Variants in RAX observed in about 807,000 individuals in gnomAD.
RAX encodes retinal homeobox protein Rx.
A neutral mutation model predicts 17.4 loss-of-function variants in RAX; 11 were observed. The observed-to-expected ratio is 0.63, with a 90% confidence interval of 0.40 to 1.05. The LOEUF is 1.05. RAX is among the 50% of genes least tolerant of loss of function. RAX has a pLI of 0.00. For synonymous variants in RAX, 276 were observed against 254.7 expected (o/e 1.08, Z -0.80); for missense variants, 527 against 501.1 (o/e 1.05, Z -0.49).
Position 59,269,148 on chromosome 18 carries a change from C to T in RAX, c.897G>A (p.Pro299=), listed in dbSNP as rs1413283572. The change falls in exon 3 of 3, where the codon CCG becomes CCA. Residue 299 remains proline, a synonymous_variant. Transcript: ENST00000334889. The part of the protein sequence containing the change: ...LGPGLQPLAP[P]PPSYPCGPGF... ...CGGGCCCGCACGGGTAGGAGGGCGG[C>T]GGCGGCGCGAGAGGTTGCAGGCCGG... 1.9e-6 allele frequency: 3 copies of T among 1,587,148 alleles called. No homozygotes were observed. Among genetic ancestry groups the T allele is most frequent in the Non-Finnish European group, 2.6e-6 (3 of 1,164,520 alleles).
intron 2 of RAX, among the ~76,000 whole-genome samples, chr18:59,271,439 G>T (rs2070337603): frequency 6.6e-6 from 1 of 152,198 alleles, no homozygotes; most frequent in East Asian, 1.9e-4. Flanking sequence ...AGTCACATTA[G>T]GGAATTATAT....
At position 59,269,385 on chromosome 18, in the gene RAX, C is replaced by A. The variant is rs1212958974; in HGVS notation, c.660G>T (p.Thr220=). The A allele has an allele frequency of 4.0e-6, 6 of 1,505,080 alleles. No homozygotes were observed. Among genetic ancestry groups the A allele is most frequent in the Non-Finnish European group, 5.3e-6 (6 of 1,132,566 alleles). 93.2% of individuals were successfully genotyped at this position (1,505,080 alleles called of 1,614,324 possible). ...LSFSRSPPSA[T]LSPLGAGPGS... ...CCGGGCCCGCCCCGAGGGGCGACAG[C>A]GTCGCGGAGGGCGGGGAGCGGCTGA... Residue 220 remains threonine (T), a synonymous_variant, in exon 3 of 3, where the codon ACG becomes ACT. Transcript: ENST00000334889.
chr18:59,269,280 C>A lies in RAX; in HGVS notation c.765G>T (p.Thr255=). The change falls in exon 3 of 3, where the codon ACG becomes ACT. Residue 255 remains threonine (T), a synonymous_variant. Coordinates refer to ENST00000334889, the MANE Select transcript of RAX (RefSeq NM_013435.3). ...CGAAGCCCGGCAGGCTCTGCAGCGC[C>A]GTGGCGCCCCCGCCCGGCAGCGGCG... is the stretch of plus-strand genomic sequence containing the variant. ...LGPPLPGGGA[T]ALQSLPGFGP... 3 of 1,336,888 alleles carry A rather than the reference C, an allele frequency of 2.2e-6. No individual in the cohort carries two copies. Among genetic ancestry groups the A allele is most frequent in the Non-Finnish European group, 1.9e-6 (2 of 1,048,750 alleles). 82.8% of individuals were successfully genotyped at this position (1,336,888 alleles called of 1,614,324 possible).
chr18:59,268,832 C>A lies in RAX; in HGVS notation c.*172G>T, dbSNP rs993953667. 1.7e-6 allele frequency: 2 copies of A among 1,145,620 alleles called. No individual in the cohort carries two copies. Among genetic ancestry groups the A allele is most frequent in the Middle Eastern group, 2.9e-4 (1 of 3,498 alleles). 71.0% of individuals were successfully genotyped at this position (1,145,620 alleles called of 1,614,324 possible). ...CCTCTCCTCAGGCCTGAAAGTCGCC[C>A]TTCTCCCCGTGCATCGGGAGCAGGC... is the stretch of plus-strand genomic sequence containing the variant. On this transcript the variant is annotated 3_prime_UTR_variant, in exon 3 of 3. Coordinates refer to ENST00000334889, the MANE Select transcript of RAX (RefSeq NM_013435.3). This position sits in a 1 kb window ranked among gnomAD's most constrained non-coding sequence, Gnocchi z 4.4.
At position 59,272,579 on chromosome 18, in the gene RAX, C is replaced by A. The variant is rs747253593; in HGVS notation, c.325G>T (p.Ala109Ser). Residue 109 changes from alanine to serine, a missense_variant, in exon 2 of 3, where the codon GCA (alanine) becomes TCA (serine). Ala to Ser is a moderately conservative substitution (Grantham distance 99). Transcript: ENST00000334889. ...ACGGGCAGCCCTGGGCTCGGCCGTGCCTCCCCGGGCTCCTTGGGGCAGTAG... is the reference window on the plus strand; with the variant it reads ...ACGGGCAGCCCTGGGCTCGGCCGTGACTCCCCGGGCTCCTTGGGGCAGTAG... ...RPYCPKEPGE[A>S]RPSPGLPVGP... 6.2e-7 allele frequency: 1 copy of A among 1,613,550 alleles called. No homozygotes were observed. Among genetic ancestry groups the A allele is most frequent in the Admixed American group, 1.7e-5 (1 of 60,010 alleles).
chr18:59,272,298 C>T (rs2070343894), intron 2 of RAX, 63 bp downstream of exon 2: 1 of 1,610,554 alleles, frequency 6.2e-7, no homozygotes. Flanking sequence ...TTCCGAGAAG[C>T]ATTGGCTGCA....
rs376858040 is a variant in RAX, at chr18:59,267,262, G to C, written c.*1742C>G. Reference sequence around the variant, plus strand: ...GCCCTGGTTATGCAATAGCCTCTTAGACCCGCAGAGAAAGGACTGGAAACT... The same window carrying C: ...GCCCTGGTTATGCAATAGCCTCTTACACCCGCAGAGAAAGGACTGGAAACT... On this transcript the variant is annotated 3_prime_UTR_variant, in exon 3 of 3. Coordinates refer to ENST00000334889, the MANE Select transcript of RAX (RefSeq NM_013435.3). 1.3e-5 allele frequency: 2 copies of C among 152,306 alleles called. No individual in the cohort carries two copies. Among genetic ancestry groups the C allele is most frequent in the African/African-American group, 4.8e-5 (2 of 41,564 alleles). 9.4% of individuals were successfully genotyped at this position (152,306 alleles called of 1,614,324 possible). A position where few individuals can be genotyped will look rare whatever the true frequency, so the allele number is the denominator to read the frequency against.
In RAX at chr18:59,269,296, G is replaced by C. The variant is rs1397116394; in HGVS notation, c.749C>G (p.Pro250Arg). Residue 250 changes from proline (P) to arginine (R), a missense_variant, in exon 3 of 3, where the codon CCG becomes CGG. Physicochemically the swap from Pro to Arg is moderately radical, Grantham distance 103. Coordinates refer to ENST00000334889, the MANE Select transcript of RAX (RefSeq NM_013435.3). Reference protein sequence around the residue: ...PLESWLGPPLPGGGATALQSL... With the variant: ...PLESWLGPPLRGGGATALQSL... Reference sequence around the variant, plus strand: ...CTGCAGCGCCGTGGCGCCCCCGCCCGGCAGCGGCGGCCCGAGCCAGGACTC... The same window carrying C: ...CTGCAGCGCCGTGGCGCCCCCGCCCCGCAGCGGCGGCCCGAGCCAGGACTC... 7.8e-7 allele frequency: 1 copy of C among 1,288,354 alleles called. No individual in the cohort carries two copies. Among genetic ancestry groups the C allele is most frequent in the South Asian group, 2.5e-5 (1 of 39,986 alleles). The allele number at this position is 1,288,354 out of a possible 1,614,324, so 79.8% of individuals were successfully genotyped here.
Position 59,269,004 on chromosome 18 carries a change from C to G in RAX, c.1041G>C (p.Ter347TyrextTer109), listed in dbSNP as rs1285407011. ...QAIGKPWQAL[*>Y] ...GATCCCAAGACGTTCCCCAGTGCCC[C>G]TAGAGGGCCTGCCACGGCTTCCCGA... Residue 347 changes from the stop codon to tyrosine (Y), a stop_lost, in exon 3 of 3, where the codon TAG (stop) becomes TAC (tyrosine). Coordinates refer to ENST00000334889, the MANE Select transcript of RAX (RefSeq NM_013435.3). 5.0e-6 allele frequency: 8 copies of G among 1,612,856 alleles called. No homozygotes were observed. Among genetic ancestry groups the G allele is most frequent in the Non-Finnish European group, 6.8e-6 (8 of 1,179,876 alleles).
At chr18:59,269,734 CTCTCT>C (rs1299052499) in intron 2 of RAX, among the ~76,000 whole-genome samples, 1,696 of 79,664 alleles carry the variant, frequency 0.021, 18 homozygotes, top group African/African-American at 0.064. Flanking sequence ...CTCTCTCTCT[CTCTCT>C]TTTTTTTTTT....
Position 59,271,173 on chromosome 18 carries a change from G to A in RAX, c.543+1188C>T, listed in dbSNP as rs1603389098. Among the ~76,000 whole-genome samples, 7 of 152,314 alleles carry A rather than the reference G, an allele frequency of 4.6e-5. 1 individual carries two copies. The highest frequency in any genetic ancestry group is 4.6e-4 in the Admixed American group (7 of 15,304). ...TTCTCAAGAATCTCACAACTTAGAG[G>A]AGAAGCCAAAACTCCTGAACAAGTA... On this transcript the variant is annotated intron_variant, in intron 2 of 2. Transcript: ENST00000334889.
Position 59,273,244 on chromosome 18 carries a change from G to C in RAX, c.-38C>G. 6.6e-7 allele frequency: 1 copy of C among 1,512,218 alleles called. No homozygotes were observed. Among genetic ancestry groups the C allele is most frequent in the African/African-American group, 1.4e-5 (1 of 71,460 alleles). The allele number at this position is 1,512,218 out of a possible 1,614,324, so 93.7% of individuals were successfully genotyped here. A position where few individuals can be genotyped will look rare whatever the true frequency, so the allele number is the denominator to read the frequency against. On this transcript the variant is annotated 5_prime_UTR_variant, in exon 1 of 3. Coordinates refer to ENST00000334889, the MANE Select transcript of RAX (RefSeq NM_013435.3). ...GAGGCGGGAGGGCGCTTTGGAGACGGAGAGGAGAGGCTCGAAGCCGGGTCT... is the reference window on the plus strand; with the variant it reads ...GAGGCGGGAGGGCGCTTTGGAGACGCAGAGGAGAGGCTCGAAGCCGGGTCT...
At chr18:59,271,157 A>C (rs2070335138) in intron 2 of RAX, among the ~76,000 whole-genome samples, 1 of 152,184 alleles carries the variant, frequency 6.6e-6, no homozygotes, top group South Asian at 2.1e-4. Context: ...GTTCTCAAGA[A>C]TCTCACAACT....
chr18:59,272,230 A>G, intron 2 of RAX, 131 bp downstream of exon 2: 4 of 1,277,202 alleles, frequency 3.1e-6, no homozygotes, highest in Non-Finnish European at 4.4e-6. Context: ...CTCTCCCTTG[A>G]GACTCTGGGC....
rs1016748998 is a variant in RAX at position 59,273,284 on chromosome 18, G to T, written c.-78C>A. On this transcript the variant is annotated 5_prime_UTR_variant, in exon 1 of 3. Coordinates refer to ENST00000334889, the MANE Select transcript of RAX (RefSeq NM_013435.3). ...AAGCCGGGTCTTCCCGAGTGCGGCG[G>T]TGCAACCCGACGGGTCCCGACCCTA... 98 of 1,422,362 alleles carry T rather than the reference G, an allele frequency of 6.9e-5. 1 individual carries two copies. In the African/African-American group the frequency reaches 9.7e-4, roughly 14 times the overall value. 88.1% of individuals were successfully genotyped at this position (1,422,362 alleles called of 1,614,324 possible). A position where few individuals can be genotyped will look rare whatever the true frequency, so the allele number is the denominator to read the frequency against.
intron 2 of RAX, among the ~76,000 whole-genome samples, chr18:59,271,077 T>G (rs574412043): frequency 3.9e-5 from 6 of 152,194 alleles, no homozygotes; most frequent in Non-Finnish European, 7.3e-5. Context: ...TACATCATAG[T>G]CATGTGTTAA....
intron 2 of RAX, 63 bp downstream of exon 2, chr18:59,272,298 C>A: frequency 6.2e-7 from 1 of 1,610,554 alleles, no homozygotes; most frequent in Non-Finnish European, 8.5e-7. Context: ...TTCCGAGAAG[C>A]ATTGGCTGCA....
In RAX at chr18:59,268,923, A is replaced by AG. The variant is rs1603388712; in HGVS notation, c.*80dup. The stretch of plus-strand genomic sequence containing the variant: ...CAGGGAAAGAGGGGCCGAGCTGGGG[A>AG]GGGGGGTTGTCCCTGGGAGAGAGGA... On this transcript the variant is annotated 3_prime_UTR_variant, in exon 3 of 3. Coordinates refer to ENST00000334889, the MANE Select transcript of RAX (RefSeq NM_013435.3). The surrounding 1 kb of genome is among the most constrained non-coding windows in gnomAD (Gnocchi z 4.4). 6.2e-7 allele frequency: 1 copy of AG among 1,605,082 alleles called. No homozygotes were observed. The highest frequency in any genetic ancestry group is 8.5e-7 in the Non-Finnish European group (1 of 1,174,726).
chr18:59,271,012 G>T (rs2070334072), intron 2 of RAX, among the ~76,000 whole-genome samples: 1 of 152,168 alleles, frequency 6.6e-6, no homozygotes, highest in African/African-American at 2.4e-5. Context: ...TTATTGCAAT[G>T]CTCTACTGCT....
Sources: gnomAD v4.1 joint callset for allele counts (sites outside exome capture counted in the v4.1 genomes callset) on GRCh38, gnomAD v4.1.1 for gene constraint, Gnocchi (gnomAD v3.1) non-coding constraint, MANE v1.5 for transcripts, NCBI Gene and HGNC (gene_info 2026-07-23, HGNC 2026-07-21) for gene names.